CSNK2A2IP: variants seen among roughly 807,000 people sequenced by gnomAD.
CSNK2A2IP encodes the protein casein kinase 2 subunit alpha' interacting protein.
At chr3:88,352,841 C>A in the CSNK2A2IP span, among the ~76,000 whole-genome samples, 1 of 152,074 alleles carries the variant, frequency 6.6e-6, no homozygotes, top group African/African-American at 2.4e-5. Flanking sequence ...TCAAATTAGG[C>A]AGGTTTCTTG....
the CSNK2A2IP span, among the ~76,000 whole-genome samples, chr3:88,352,165 T>C: frequency 2.0e-5 from 3 of 152,294 alleles, no homozygotes; most frequent in South Asian, 6.2e-4. Context: ...AATGTTTTAG[T>C]TTTTACTAAA....
chr3:88,465,281 C>A, the CSNK2A2IP span: 1 of 845,182 alleles, frequency 1.2e-6, no homozygotes, highest in Non-Finnish European at 1.6e-6. Flanking sequence ...TCCATGGATT[C>A]CCGCTAAAAG....
the CSNK2A2IP span, among the ~76,000 whole-genome samples, chr3:88,459,353 C>T: frequency 7.2e-5 from 11 of 151,950 alleles, no homozygotes; most frequent in East Asian, 9.6e-4. Flanking sequence ...TGTTAAATAT[C>T]GGTATTGAAG....
the CSNK2A2IP span, among the ~76,000 whole-genome samples, chr3:88,431,614 T>C: frequency 1.3e-5 from 2 of 152,038 alleles, no homozygotes; most frequent in Non-Finnish European, 2.9e-5. Flanking sequence ...GAAGTAAAAT[T>C]AAAAAAGACT....
the CSNK2A2IP span, among the ~76,000 whole-genome samples, chr3:88,389,235 T>TG: frequency 6.7e-6 from 1 of 148,910 alleles, no homozygotes; most frequent in African/African-American, 2.5e-5. Flanking sequence ...ACATTTAATT[T>TG]AAAAAAAAAA....
the CSNK2A2IP span, among the ~76,000 whole-genome samples, chr3:88,461,961 T>C: frequency 4.1e-4 from 63 of 151,968 alleles, no homozygotes; most frequent in Admixed American, 1.8e-3. Flanking sequence ...CTGGACTCCA[T>C]TGATTTTAAT....
At chr3:88,365,099 TA>T in the CSNK2A2IP span, among the ~76,000 whole-genome samples, 1 of 152,178 alleles carries the variant, frequency 6.6e-6, no homozygotes, top group Non-Finnish European at 1.5e-5. Context: ...CAGCCTGATT[TA>T]AGAGCCCACA....
the CSNK2A2IP span, among the ~76,000 whole-genome samples, chr3:88,414,991 A>G: frequency 2.0e-4 from 31 of 151,970 alleles, 1 homozygote; most frequent in African/African-American, 6.8e-4. Context: ...GTTACCAAAA[A>G]CTTTAGTATG....
At chr3:88,419,568 C>T in the CSNK2A2IP span, among the ~76,000 whole-genome samples, 2 of 152,204 alleles carry the variant, frequency 1.3e-5, no homozygotes, top group East Asian at 3.9e-4. Context: ...GATGAACATA[C>T]ACGTGCATGT....
chr3:88,419,742 C>G, the CSNK2A2IP span, among the ~76,000 whole-genome samples: 1 of 152,078 alleles, frequency 6.6e-6, no homozygotes, highest in African/African-American at 2.4e-5. Context: ...TTGTCACTTT[C>G]TGCTTTGAAA....
the CSNK2A2IP span, chr3:88,466,026 A>G: frequency 3.2e-6 from 4 of 1,231,698 alleles, no homozygotes; most frequent in Non-Finnish European, 3.0e-6. Context: ...CTCAGAAAAC[A>G]TCCTCATTGG....
the CSNK2A2IP span, among the ~76,000 whole-genome samples, chr3:88,341,471 G>A: frequency 1.3e-5 from 2 of 151,642 alleles, no homozygotes; most frequent in Non-Finnish European, 2.9e-5. Flanking sequence ...CTTTAGGTAA[G>A]TTATGAGACT....
chr3:88,400,271 C>A, the CSNK2A2IP span, among the ~76,000 whole-genome samples: 1 of 152,136 alleles, frequency 6.6e-6, no homozygotes, highest in East Asian at 1.9e-4. Flanking sequence ...AGTAATGAGA[C>A]TGGTGGCCTT....
the CSNK2A2IP span, among the ~76,000 whole-genome samples, chr3:88,407,963 T>C: frequency 6.6e-6 from 1 of 152,068 alleles, no homozygotes; most frequent in Non-Finnish European, 1.5e-5. Context: ...GCTCAGGTGA[T>C]CCACCCACCT....
the CSNK2A2IP span, among the ~76,000 whole-genome samples, chr3:88,389,623 A>C: frequency 2.0e-5 from 3 of 152,228 alleles, no homozygotes; most frequent in South Asian, 2.1e-4. Flanking sequence ...GGTTCAGGGT[A>C]GAAGCAAGGA....
the CSNK2A2IP span, among the ~76,000 whole-genome samples, chr3:88,407,355 CATTT>C: frequency 1.4e-5 from 2 of 141,008 alleles, no homozygotes; most frequent in African/African-American, 2.6e-5. Context: ...TATCTTGTAA[CATTT>C]AGTATGTTAA....
the CSNK2A2IP span, among the ~76,000 whole-genome samples, chr3:88,356,029 A>G: frequency 6.6e-6 from 1 of 152,156 alleles, no homozygotes; most frequent in Non-Finnish European, 1.5e-5. Context: ...TACAATGTAT[A>G]ATGATCAAAT....
chr3:88,395,274 T>A, the CSNK2A2IP span, among the ~76,000 whole-genome samples: 1 of 152,216 alleles, frequency 6.6e-6, no homozygotes, highest in South Asian at 2.1e-4. Flanking sequence ...ATGAAAAATT[T>A]CTCCTTTTTT....
the CSNK2A2IP span, among the ~76,000 whole-genome samples, chr3:88,447,410 G>A: frequency 0.014 from 2,082 of 152,156 alleles, 40 homozygotes; most frequent in African/African-American, 0.048. Flanking sequence ...ATTTAGAAAC[G>A]TGTAAAACTC....
Sources: allele counts gnomAD v4.1 joint callset (sites outside exome capture counted in the v4.1 genomes callset), GRCh38; gene constraint gnomAD v4.1.1; transcripts MANE v1.5; gene names NCBI Gene and HGNC (gene_info 2026-07-23, HGNC 2026-07-21).